The following CACNA2D3 variants were observed in gnomAD, a reference collection of about 807,000 sequenced individuals.
CACNA2D3 encodes voltage-dependent calcium channel subunit alpha-2/delta-3.
A neutral mutation model predicts 160.6 loss-of-function variants in CACNA2D3; 60 were observed. That is an observed-to-expected ratio of 0.37 (90% CI 0.30 to 0.46). The LOEUF (loss-of-function observed/expected upper bound fraction) is 0.46. Among genes scored for constraint, CACNA2D3 ranks in the 20% least tolerant of loss-of-function variants. The pLI, the probability that CACNA2D3 is intolerant of heterozygous loss-of-function variation, is 1.00. For synonymous variants in CACNA2D3, 558 were observed against 492.9 expected (o/e 1.13, Z -1.75); for missense variants, 1,205 against 1,365.0 (o/e 0.88, Z 1.85).
chr3:54,949,917 G>T (rs111993202), intron 27 of CACNA2D3, among the ~76,000 whole-genome samples: 4 of 152,174 alleles, frequency 2.6e-5, no homozygotes, highest in Admixed American at 2.6e-4. Context: ...TAGTCTACCT[G>T]AGGGCCACCC....
intron 2 of CACNA2D3, among the ~76,000 whole-genome samples, chr3:54,190,951 C>G (rs1700968739): frequency 6.6e-6 from 1 of 151,880 alleles, no homozygotes; most frequent in Non-Finnish European, 1.5e-5. Flanking sequence ...AAAAAGGACC[C>G]CCGCCCCAGA....
chr3:54,927,998 G>GA, intron 27 of CACNA2D3: 3 of 1,242,636 alleles, frequency 2.4e-6, no homozygotes, highest in Non-Finnish European at 3.5e-6. Flanking sequence ...GGCAGACTCA[G>GA]AGCCCAGCTT....
chr3:54,285,752 A>G (rs1703002681), intron 2 of CACNA2D3, among the ~76,000 whole-genome samples: 1 of 152,230 alleles, frequency 6.6e-6, no homozygotes, highest in South Asian at 2.1e-4. Context: ...AAGATCAGGC[A>G]GCAGCATTTG....
chr3:54,475,836 T>TGTGTGTGTGTGTGTGTGA (rs367560891), intron 4 of CACNA2D3, among the ~76,000 whole-genome samples: 3 of 151,268 alleles, frequency 2.0e-5, no homozygotes, highest in South Asian at 2.1e-4. Flanking sequence ...TGTGTGTGTG[T>TGTGTGTGTGTGTGTGTGA]GACAGAGAGA....
chr3:54,987,779 T>C lies in CACNA2D3; in HGVS notation c.2690+26T>C, dbSNP rs543531180. On this transcript the variant is annotated intron_variant, in intron 31 of 37. Coordinates refer to ENST00000474759, the MANE Select transcript of CACNA2D3 (RefSeq NM_018398.3). ...GTAAGGGTTTTATGGTCCACTGCAT[T>C]CCCCCCAAAAGTTTTCCTAAATAAA... 68 of 1,542,478 alleles carry C rather than the reference T, an allele frequency of 4.4e-5. No individual in the cohort carries two copies. In the Admixed American group the frequency reaches 5.3e-4, roughly 12 times the overall value.
chr3:54,869,889 GT>G (rs1406781115), intron 17 of CACNA2D3, among the ~76,000 whole-genome samples: 2 of 152,208 alleles, frequency 1.3e-5, no homozygotes, highest in African/African-American at 4.8e-5. Context: ...ATTGTTTACA[GT>G]GGCTTCTGAG....
chr3:54,391,135 G>A (rs1238069273), intron 4 of CACNA2D3, among the ~76,000 whole-genome samples: 2 of 152,156 alleles, frequency 1.3e-5, no homozygotes, highest in Non-Finnish European at 1.5e-5. Flanking sequence ...GACTGGAGAC[G>A]TTGCATCATT....
intron 11 of CACNA2D3, among the ~76,000 whole-genome samples, chr3:54,719,472 G>A (rs1701128319): frequency 6.6e-6 from 1 of 151,778 alleles, no homozygotes; most frequent in Admixed American, 6.6e-5. Flanking sequence ...ATTTTCAAAT[G>A]ATAAAATAAC....
chr3:54,818,843 A>G (rs917648027), intron 14 of CACNA2D3, among the ~76,000 whole-genome samples: 16 of 152,354 alleles, frequency 1.1e-4, no homozygotes, highest in African/African-American at 3.8e-4. Flanking sequence ...ACAAAATATT[A>G]AGAGATCTAT....
intron 4 of CACNA2D3, among the ~76,000 whole-genome samples, chr3:54,448,750 C>T (rs1360557462): frequency 2.0e-5 from 3 of 152,222 alleles, no homozygotes; most frequent in African/African-American, 7.2e-5. Context: ...CCAGCTGTCT[C>T]TATTGTCCAG....
chr3:54,994,562 A>G (rs1702814987), intron 31 of CACNA2D3, among the ~76,000 whole-genome samples: 1 of 152,214 alleles, frequency 6.6e-6, no homozygotes, highest in Non-Finnish European at 1.5e-5. Flanking sequence ...CTGCTTGAGC[A>G]TCCCCAGTTA....
chr3:54,626,074 C>T (rs1349180784), intron 9 of CACNA2D3: 2 of 565,358 alleles, frequency 3.5e-6, no homozygotes, highest in Admixed American at 6.0e-5. Flanking sequence ...CCTGGTGACT[C>T]CCCCTGCCAG....
At chr3:54,573,615 A>G (rs1446269379) in intron 8 of CACNA2D3, among the ~76,000 whole-genome samples, 1 of 152,210 alleles carries the variant, frequency 6.6e-6, no homozygotes, top group Non-Finnish European at 1.5e-5. Flanking sequence ...GAATGCATAT[A>G]TTTTTGCAAG....
intron 4 of CACNA2D3, among the ~76,000 whole-genome samples, chr3:54,416,922 CA>C (rs1442160535): frequency 1.3e-5 from 2 of 152,082 alleles, no homozygotes; most frequent in Admixed American, 6.6e-5. Context: ...GGAAGGGAAA[CA>C]TACTCATACA....
At chr3:54,289,243 A>G (rs370030385) in intron 2 of CACNA2D3, among the ~76,000 whole-genome samples, 2,649 of 151,868 alleles carry the variant, frequency 0.017, 38 homozygotes, top group Admixed American at 0.044. Context: ...AAAAATCACA[A>G]GCATTCTTAT....
intron 13 of CACNA2D3, among the ~76,000 whole-genome samples, chr3:54,812,008 G>C (rs1422263688): frequency 1.3e-5 from 2 of 152,194 alleles, no homozygotes; most frequent in African/African-American, 2.4e-5. Context: ...GCATGTCACA[G>C]CTGTCATAAT....
intron 35 of CACNA2D3, among the ~76,000 whole-genome samples, chr3:55,059,107 G>A (rs1281123371): frequency 6.6e-6 from 1 of 152,182 alleles, no homozygotes; most frequent in African/African-American, 2.4e-5. Context: ...AAAGGGAGAT[G>A]TTTAACTTCC....
At chr3:54,882,825 C>A (rs1321825530) in intron 21 of CACNA2D3, among the ~76,000 whole-genome samples, 1 of 152,108 alleles carries the variant, frequency 6.6e-6, no homozygotes, top group Admixed American at 6.5e-5. Context: ...ATAGGATCTT[C>A]AATAAGGAAT....
At chr3:55,040,156 T>C (rs1182414087) in intron 35 of CACNA2D3, among the ~76,000 whole-genome samples, 2 of 152,130 alleles carry the variant, frequency 1.3e-5, no homozygotes, top group Non-Finnish European at 2.9e-5. Context: ...GTCTCTGGTT[T>C]CTTCTTAGGA....
Sources: allele counts gnomAD v4.1 joint callset (sites outside exome capture counted in the v4.1 genomes callset), GRCh38; gene constraint gnomAD v4.1.1; transcripts MANE v1.5; gene names NCBI Gene and HGNC (gene_info 2026-07-23, HGNC 2026-07-21).